The following CSGALNACT1 variants were observed in gnomAD, a reference collection of about 807,000 sequenced individuals.
CSGALNACT1 encodes beta4GalNAcT-1.
A neutral mutation model predicts 51.0 loss-of-function variants in CSGALNACT1; 52 were observed. The ratio of observed to expected loss-of-function variants is 1.02; its 90% CI spans 0.82 to 1.29. The LOEUF (loss-of-function observed/expected upper bound fraction) is 1.29. Ranked by LOEUF, CSGALNACT1 falls within the 50% of genes most tolerant of loss-of-function variation. The pLI, the probability that CSGALNACT1 is intolerant of heterozygous loss-of-function variation, is 0.00. For synonymous variants in CSGALNACT1, 341 were observed against 254.4 expected (o/e 1.34, Z -3.24); for missense variants, 935 against 679.2 (o/e 1.38, Z -4.19).
intron 1 of CSGALNACT1, among the ~76,000 whole-genome samples, chr8:19,751,727 T>C (rs2065040660): frequency 6.6e-6 from 1 of 151,956 alleles, no homozygotes. Context: ...CGTGATAGAG[T>C]TCTCATGAGA....
At position 19,589,541 on chromosome 8, in the gene CSGALNACT1, A is replaced by G. The variant is rs541088041; in HGVS notation, c.-297+1619T>C. Among the ~76,000 whole-genome samples, 18 of 152,250 alleles carry G rather than the reference A, an allele frequency of 1.2e-4. No homozygotes were observed. In the East Asian group the frequency reaches 2.1e-3, roughly 18 times the overall value. On this transcript the variant is annotated intron_variant, in intron 3 of 9. Transcript: ENST00000454498. The stretch of plus-strand genomic sequence containing the variant: ...GAGTTTAATCACGTTGGGTTGGCCA[A>G]GCTGGTCTTGAACTCCCGACCTCAA...
At chr8:19,635,682 G>A (rs570149948) in intron 1 of CSGALNACT1, among the ~76,000 whole-genome samples, 2 of 152,254 alleles carry the variant, frequency 1.3e-5, no homozygotes, top group South Asian at 4.1e-4. Flanking sequence ...CAGTTGTGAG[G>A]CATCCAAAGC....
At chr8:19,701,817 C>A (rs568593640) in intron 1 of CSGALNACT1, among the ~76,000 whole-genome samples, 1 of 152,302 alleles carries the variant, frequency 6.6e-6, no homozygotes, top group South Asian at 2.1e-4. Flanking sequence ...TCCACTCAAT[C>A]TGGTTCCAGA....
chr8:19,541,270 A>C (rs1325699261), intron 3 of CSGALNACT1, among the ~76,000 whole-genome samples: 1 of 81,264 alleles, frequency 1.2e-5, no homozygotes, highest in Non-Finnish European at 2.3e-5. Context: ...TTTTTTTTTG[A>C]GACGGAGTCT....
At chr8:19,478,278 G>C (rs976563716) in intron 4 of CSGALNACT1, among the ~76,000 whole-genome samples, 2 of 152,080 alleles carry the variant, frequency 1.3e-5, no homozygotes, top group Non-Finnish European at 2.9e-5. Flanking sequence ...GCCGGGTGTG[G>C]TGGCGGGCAC....
intron 3 of CSGALNACT1, among the ~76,000 whole-genome samples, chr8:19,531,452 G>T (rs887374122): frequency 1.3e-5 from 2 of 152,152 alleles, no homozygotes; most frequent in African/African-American, 2.4e-5. Flanking sequence ...AGCTTTGAGT[G>T]GATCACTTCA....
chr8:19,689,432 G>A (rs532311415), intron 1 of CSGALNACT1, among the ~76,000 whole-genome samples: 2 of 152,250 alleles, frequency 1.3e-5, no homozygotes, highest in South Asian at 2.1e-4. Context: ...GACACTGCAT[G>A]GAACCCAAAC....
intron 5 of CSGALNACT1, among the ~76,000 whole-genome samples, chr8:19,453,787 C>T (rs2063595363): frequency 6.6e-6 from 1 of 152,082 alleles, no homozygotes. Context: ...TGTCATGCAC[C>T]TGTAGTCCCA....
At chr8:19,742,558 G>A (rs1175579138) in intron 1 of CSGALNACT1, among the ~76,000 whole-genome samples, 1 of 152,168 alleles carries the variant, frequency 6.6e-6, no homozygotes, top group Non-Finnish European at 1.5e-5. Flanking sequence ...CACGACAGCT[G>A]TTTGCTGCCC....
At chr8:19,669,462 T>C (rs959560499) in intron 1 of CSGALNACT1, among the ~76,000 whole-genome samples, 2 of 152,212 alleles carry the variant, frequency 1.3e-5, no homozygotes, top group Non-Finnish European at 2.9e-5. Context: ...TGTTTGGTTT[T>C]TATTTTGGAG....
chr8:19,508,646 C>G (rs985891155), intron 3 of CSGALNACT1, among the ~76,000 whole-genome samples: 9 of 152,202 alleles, frequency 5.9e-5, no homozygotes, highest in Non-Finnish European at 1.2e-4. Context: ...TATTCTGCCA[C>G]TTTCAACACT....
At chr8:19,613,028 G>A (rs1222026518) in intron 1 of CSGALNACT1, among the ~76,000 whole-genome samples, 3 of 126,706 alleles carry the variant, frequency 2.4e-5, no homozygotes, top group Admixed American at 9.0e-5. Context: ...CTTGTCTCAT[G>A]AATTTTCATA....
chr8:19,452,984 G>C (rs1479397087), intron 5 of CSGALNACT1, among the ~76,000 whole-genome samples: 1 of 152,166 alleles, frequency 6.6e-6, no homozygotes, highest in African/African-American at 2.4e-5. Context: ...GTCAAGATGA[G>C]GAGAGAGCCA....
intron 1 of CSGALNACT1, among the ~76,000 whole-genome samples, chr8:19,679,878 A>G (rs915708608): frequency 2.6e-5 from 4 of 152,202 alleles, no homozygotes; most frequent in African/African-American, 9.6e-5. Context: ...TACCCTATAA[A>G]AGTGAGGAAT....
At chr8:19,556,732 C>G (rs555683970) in intron 3 of CSGALNACT1, among the ~76,000 whole-genome samples, 1 of 151,944 alleles carries the variant, frequency 6.6e-6, no homozygotes, top group Non-Finnish European at 1.5e-5. Context: ...GTGCCAACAC[C>G]CAGAGCTTCC....
At chr8:19,505,556 G>A in exon 4 of CSGALNACT1, 2 of 1,613,870 alleles carry the variant, frequency 1.2e-6, no homozygotes, top group Non-Finnish European at 1.7e-6. Context: ...GCCCATTCCT[G>A]AGCTGCTCAC....
upstream of CSGALNACT1, among the ~76,000 whole-genome samples, chr8:19,606,123 A>C (rs903233231): frequency 6.6e-6 from 1 of 152,202 alleles, no homozygotes; most frequent in Admixed American, 6.5e-5. Flanking sequence ...GTGAAAAATA[A>C]AAAGGCTAAA....
At chr8:19,590,905 C>A (rs1313008814) in intron 3 of CSGALNACT1, among the ~76,000 whole-genome samples, 1 of 152,040 alleles carries the variant, frequency 6.6e-6, no homozygotes, top group African/African-American at 2.4e-5. Context: ...CCCACCTTGG[C>A]CTCCCAAAGT....
At chr8:19,603,493 T>C (rs1181160089), upstream of CSGALNACT1, among the ~76,000 whole-genome samples, 1 of 152,192 alleles carries the variant, frequency 6.6e-6, no homozygotes, top group African/African-American at 2.4e-5. Flanking sequence ...AATCAATCTA[T>C]GTCTACACCA....
Sources: gnomAD v4.1 joint callset for allele counts (sites outside exome capture counted in the v4.1 genomes callset) on GRCh38, gnomAD v4.1.1 for gene constraint, MANE v1.5 for transcripts, NCBI Gene and HGNC (gene_info 2026-07-23, HGNC 2026-07-21) for gene names.